GPC4: variants seen among roughly 807,000 people sequenced by gnomAD.
The protein encoded by GPC4 is glypican-4.
A neutral mutation model predicts 35.0 loss-of-function variants in GPC4; 10 were observed. That is an observed-to-expected ratio of 0.29 (90% CI 0.18 to 0.48). The LOEUF is 0.48. Ranked by LOEUF, GPC4 falls within the 20% of genes least tolerant of loss-of-function variation. GPC4 has a pLI of 0.99. For synonymous variants in GPC4, 167 were observed against 170.2 expected, an observed-to-expected ratio of 0.98 and a Z score of 0.15; for missense variants, 322 against 451.3, an observed-to-expected ratio of 0.71 and a Z score of 2.60.
chrX:133,327,636 A>AGTGTGTGTGTGT lies in GPC4; in HGVS notation c.320-3112_320-3101dup, dbSNP rs557359106. 1.8e-3 allele frequency among the ~76,000 whole-genome samples: 151 copies of AGTGTGTGTGTGT among 83,275 alleles called. 2 individuals carry two copies. Among genetic ancestry groups the AGTGTGTGTGTGT allele is most frequent in the African/African-American group, 6.4e-3 (146 of 22,655 alleles). The allele number at this position is 83,275 out of a possible 115,157, so 72.3% of individuals were successfully genotyped here. Reference sequence around the variant, plus strand: ...CCATGACTCACATTCTGTCCAGGAAAGTGTGTGTGTGTGTGTGTGTGTGTG... The same window carrying AGTGTGTGTGTGT: ...CCATGACTCACATTCTGTCCAGGAAAGTGTGTGTGTGTGTGTGTGTGTGTGTGTGTGTGTGTG... On this transcript the variant is annotated intron_variant, in intron 2 of 8. Coordinates refer to ENST00000370828, the MANE Select transcript of GPC4 (RefSeq NM_001448.3).
intron 7 of GPC4, among the ~76,000 whole-genome samples, chrX:133,303,769 T>C (rs1357686069): frequency 9.0e-6 from 1 of 110,628 alleles, no homozygotes; most frequent in Admixed American, 9.8e-5. Context: ...GGAGAATCAC[T>C]TGAACCCAGG....
chrX:133,409,692 A>G (rs1030363480), intron 1 of GPC4, among the ~76,000 whole-genome samples: 1 of 111,964 alleles, frequency 8.9e-6, no homozygotes, highest in Non-Finnish European at 1.9e-5. Flanking sequence ...AAGTGGGCAC[A>G]TAACCCTGGA....
intron 1 of GPC4, among the ~76,000 whole-genome samples, chrX:133,411,889 T>TA (rs1266257769): frequency 9.0e-6 from 1 of 111,591 alleles, no homozygotes; most frequent in Non-Finnish European, 1.9e-5. Flanking sequence ...CATGATGTAC[T>TA]CCCTGACACC....
chrX:133,345,979 G>A (rs2068489933), intron 1 of GPC4, among the ~76,000 whole-genome samples: 1 of 111,663 alleles, frequency 9.0e-6, no homozygotes, highest in Non-Finnish European at 1.9e-5. Context: ...AGTGGCTCAT[G>A]GGCCCCAGTT....
At chrX:133,308,048 T>G (rs2068298436) in intron 4 of GPC4, among the ~76,000 whole-genome samples, 1 of 112,074 alleles carries the variant, frequency 8.9e-6, no homozygotes, top group African/African-American at 3.2e-5. Flanking sequence ...AGAATGCAAC[T>G]GAAGAGCATT....
At chrX:133,412,672 T>A (rs755067188) in intron 1 of GPC4, among the ~76,000 whole-genome samples, 3 of 111,899 alleles carry the variant, frequency 2.7e-5, no homozygotes, top group Non-Finnish European at 5.6e-5. Flanking sequence ...AACTCCCCTA[T>A]CTTTGGCATG....
chrX:133,306,556 A>T (rs2068292154), intron 4 of GPC4, among the ~76,000 whole-genome samples: 1 of 111,822 alleles, frequency 8.9e-6, no homozygotes, highest in African/African-American at 3.2e-5. Flanking sequence ...TTCTCGTTTC[A>T]CATTCCATTT....
chrX:133,320,483 G>A (rs995725922), intron 3 of GPC4, among the ~76,000 whole-genome samples: 3 of 109,415 alleles, frequency 2.7e-5, no homozygotes, highest in Admixed American at 9.8e-5. Context: ...AAAATTAGTC[G>A]GGTATGGGCG....
intron 1 of GPC4, among the ~76,000 whole-genome samples, chrX:133,407,825 T>C (rs1020242582): frequency 1.8e-5 from 2 of 112,698 alleles, no homozygotes; most frequent in Non-Finnish European, 3.7e-5. Flanking sequence ...CAGTTAGTCA[T>C]GCCGGGTTCT....
intron 1 of GPC4, among the ~76,000 whole-genome samples, chrX:133,344,191 G>GTTTTTTTTTTT (rs747976050): frequency 2.6e-5 from 1 of 38,887 alleles, no homozygotes; most frequent in Non-Finnish European, 5.2e-5. Flanking sequence ...TTTCTTTCTG[G>GTTTTTTTTTTT]TTTTTTTTTT....
chrX:133,414,588 C>A (rs1225999657), intron 1 of GPC4: 1 of 752,403 alleles, frequency 1.3e-6, no homozygotes, highest in Non-Finnish European at 1.6e-6. Flanking sequence ...CCTCCGCTCG[C>A]AGTGCTGGGA....
Position 133,311,188 on chromosome X carries a change from A to G in GPC4, c.877+70T>C, listed in dbSNP as rs1015919853. ...AAACAAACAAATTTCATAGCTGCCA[A>G]TTACAACATTCCTTGTGACTGGAAG... On this transcript the variant is annotated intron_variant, in intron 4 of 8. Transcript: ENST00000370828. The G allele has an allele frequency of 5.3e-5, 57 of 1,066,360 alleles. No individual in the cohort carries two copies. The East Asian group carries it at 1.4e-3, about 26-fold the overall frequency. The allele number at this position is 1,066,360 out of a possible 1,213,427, so 87.9% of individuals were successfully genotyped here.
Position 133,347,626 on chromosome X carries a change from C to G in GPC4, c.161-8285G>C, listed in dbSNP as rs1023773241. Among the ~76,000 whole-genome samples, 3 of 110,847 alleles carry G rather than the reference C, an allele frequency of 2.7e-5. No homozygotes were observed. In the Admixed American group the frequency reaches 2.9e-4, roughly 11 times the overall value. ...CAGCCCCTCTAAGCTACCTAAGACCCCATGAGGAACATACAATGCTCTGCT... is the reference window on the plus strand; with the variant it reads ...CAGCCCCTCTAAGCTACCTAAGACCGCATGAGGAACATACAATGCTCTGCT... On this transcript the variant is annotated intron_variant, in intron 1 of 8. Coordinates refer to ENST00000370828, the MANE Select transcript of GPC4 (RefSeq NM_001448.3).
chrX:133,413,666 T>C (rs1444571537), intron 1 of GPC4, among the ~76,000 whole-genome samples: 1 of 110,194 alleles, frequency 9.1e-6, no homozygotes, highest in African/African-American at 3.3e-5. Flanking sequence ...ACTCCTCCGT[T>C]AGATTACGCT....
At chrX:133,335,261 T>C (rs773052839) in intron 2 of GPC4, among the ~76,000 whole-genome samples, 1 of 111,597 alleles carries the variant, frequency 9.0e-6, no homozygotes, top group East Asian at 2.8e-4. Flanking sequence ...TCTGGCTCTA[T>C]GTCTCCAGCA....
chrX:133,413,199 A>T (rs1260810063), intron 1 of GPC4, among the ~76,000 whole-genome samples: 1 of 111,281 alleles, frequency 9.0e-6, no homozygotes, highest in Non-Finnish European at 1.9e-5. Context: ...CAACCAATAA[A>T]ATCGTGCCGC....
At chrX:133,395,496 T>C (rs1371615770) in intron 1 of GPC4, among the ~76,000 whole-genome samples, 4 of 110,885 alleles carry the variant, frequency 3.6e-5, no homozygotes, top group African/African-American at 1.3e-4. Context: ...TGGTGGTGCA[T>C]GCCTGTAATC....
At chrX:133,330,080 C>T (rs1203891527) in intron 2 of GPC4, among the ~76,000 whole-genome samples, 1 of 111,692 alleles carries the variant, frequency 9.0e-6, no homozygotes, top group Non-Finnish European at 1.9e-5. Context: ...CTAGAATTAA[C>T]CCATAACCTT....
At chrX:133,395,436 A>G (rs2068738439) in intron 1 of GPC4, among the ~76,000 whole-genome samples, 1 of 110,122 alleles carries the variant, frequency 9.1e-6, no homozygotes, top group East Asian at 2.9e-4. Flanking sequence ...CAGCCTGACC[A>G]ACACGGTGAA....
Sources: gnomAD v4.1 joint callset for allele counts (sites outside exome capture counted in the v4.1 genomes callset) on GRCh38, gnomAD v4.1.1 for gene constraint, MANE v1.5 for transcripts, NCBI Gene and HGNC (gene_info 2026-07-23, HGNC 2026-07-21) for gene names.